The following SPOCK1 variants were observed in gnomAD, a reference collection of about 807,000 sequenced individuals.
SPOCK1 encodes SPARC (osteonectin), cwcv and kazal like domains proteoglycan 1.
A neutral mutation model predicts 55.3 loss-of-function variants in SPOCK1; 23 were observed. The observed-to-expected ratio is 0.42, with a 90% CI of 0.30 to 0.59. The LOEUF (loss-of-function observed/expected upper bound fraction) is 0.59, where lower values mean the gene tolerates loss of function less well. Among genes scored for constraint, SPOCK1 ranks in the 20% least tolerant of loss-of-function variants. SPOCK1 has a pLI of 0.22. For missense variants in SPOCK1, 499 were observed against 552.5 expected, an observed-to-expected ratio of 0.90 and a Z score of 0.97; for synonymous variants, 226 against 221.0, an observed-to-expected ratio of 1.02 and a Z score of -0.20.
intron 2 of SPOCK1, among the ~76,000 whole-genome samples, chr5:137,437,968 T>C (rs1752899309): frequency 6.6e-6 from 1 of 152,224 alleles, no homozygotes; most frequent in South Asian, 2.1e-4. Context: ...GTTTCTGTGA[T>C]TCTGACTACT....
chr5:137,096,367 T>C (rs1753147398), intron 5 of SPOCK1, among the ~76,000 whole-genome samples: 1 of 150,834 alleles, frequency 6.6e-6, no homozygotes, highest in South Asian at 2.1e-4. Context: ...ACTTGGGAGA[T>C]GGTACCATGC....
chr5:137,094,628 C>T (rs953388157), intron 5 of SPOCK1, among the ~76,000 whole-genome samples: 15 of 152,164 alleles, frequency 9.9e-5, no homozygotes, highest in African/African-American at 3.4e-4. Context: ...GACCTTTTTG[C>T]TGGTGGAGGG....
intron 3 of SPOCK1, among the ~76,000 whole-genome samples, chr5:137,177,363 CT>C (rs1754875003): frequency 6.6e-6 from 1 of 152,132 alleles, no homozygotes. Context: ...TCAAAGGAGT[CT>C]GGGGTTGGAG....
intron 2 of SPOCK1, among the ~76,000 whole-genome samples, chr5:137,471,289 A>G (rs1196486701): frequency 6.6e-6 from 1 of 152,176 alleles, no homozygotes; most frequent in Non-Finnish European, 1.5e-5. Context: ...CCAAATCATA[A>G]TACTCCTCAA....
chr5:137,037,829 G>A (rs1751913286), intron 6 of SPOCK1, among the ~76,000 whole-genome samples: 1 of 152,246 alleles, frequency 6.6e-6, no homozygotes. Context: ...TGAGCAGGGA[G>A]AGGTGACCCA....
chr5:136,999,590 T>G (rs938068647), intron 6 of SPOCK1, among the ~76,000 whole-genome samples: 1 of 152,088 alleles, frequency 6.6e-6, no homozygotes, highest in Non-Finnish European at 1.5e-5. Context: ...AAGGGCTGAA[T>G]GACAGTCTGA....
intron 3 of SPOCK1, among the ~76,000 whole-genome samples, chr5:137,247,259 C>A (rs182588622): frequency 1.4e-3 from 209 of 152,188 alleles, no homozygotes; most frequent in African/African-American, 4.9e-3. Context: ...GGCCCAGGGC[C>A]TGGCAAGCAG....
At chr5:137,277,248 C>A (rs1161867178) in intron 2 of SPOCK1, among the ~76,000 whole-genome samples, 1 of 152,174 alleles carries the variant, frequency 6.6e-6, no homozygotes, top group Non-Finnish European at 1.5e-5. Context: ...CTCCTAGCCT[C>A]ATGTGATCCT....
chr5:137,069,938 C>T (rs373636462), intron 5 of SPOCK1, among the ~76,000 whole-genome samples: 8 of 152,218 alleles, frequency 5.3e-5, no homozygotes, highest in Non-Finnish European at 1.2e-4. Flanking sequence ...GAGACTCCCC[C>T]TCTCCAACCC....
At chr5:137,007,177 C>T (rs1338305620) in intron 6 of SPOCK1, among the ~76,000 whole-genome samples, 2 of 152,100 alleles carry the variant, frequency 1.3e-5, no homozygotes, top group Non-Finnish European at 2.9e-5. Context: ...AGACCTAAAA[C>T]CATAAAAACC....
At chr5:137,051,739 T>C (rs1489484174) in intron 6 of SPOCK1, among the ~76,000 whole-genome samples, 2 of 152,098 alleles carry the variant, frequency 1.3e-5, no homozygotes, top group African/African-American at 4.8e-5. Flanking sequence ...AGGGAAATCA[T>C]AAAGGATATA....
chr5:137,453,363 T>C (rs1753296076), intron 2 of SPOCK1, among the ~76,000 whole-genome samples: 1 of 152,212 alleles, frequency 6.6e-6, no homozygotes, highest in Admixed American at 6.5e-5. Context: ...CTCTCTGTGA[T>C]ACTCTTGGGT....
At chr5:137,266,308 T>G (rs1046159939) in intron 3 of SPOCK1, among the ~76,000 whole-genome samples, 1 of 152,188 alleles carries the variant, frequency 6.6e-6, no homozygotes, top group African/African-American at 2.4e-5. Flanking sequence ...TGAAGTGCAA[T>G]CTACCATCAT....
chr5:137,266,633 T>C (rs1288007521), intron 3 of SPOCK1, among the ~76,000 whole-genome samples: 3 of 152,228 alleles, frequency 2.0e-5, no homozygotes, highest in Non-Finnish European at 4.4e-5. Flanking sequence ...GAAAGTTTCA[T>C]TGTTATGGCT....
chr5:137,477,671 T>TC, intron 2 of SPOCK1, among the ~76,000 whole-genome samples: 1 of 152,228 alleles, frequency 6.6e-6, no homozygotes, highest in South Asian at 2.1e-4. Context: ...CTGTGACGCT[T>TC]CCCCACTTAC....
intron 8 of SPOCK1, among the ~76,000 whole-genome samples, chr5:136,987,932 T>C (rs1001639273): frequency 2.6e-5 from 4 of 152,322 alleles, no homozygotes; most frequent in Admixed American, 1.3e-4. Context: ...ATTCCCCAAA[T>C]CTTGCCTCTT....
intron 2 of SPOCK1, among the ~76,000 whole-genome samples, chr5:137,379,231 A>G (rs894527220): frequency 8.0e-6 from 1 of 124,920 alleles, no homozygotes. Context: ...TTGGCCCTGC[A>G]TGGAACTAAT....
At position 136,977,769 on chromosome 5, in the gene SPOCK1, A is replaced by G. The variant is rs1488394378; in HGVS notation, c.*885T>C. The G allele has an allele frequency of 1.0e-5, 4 of 398,766 alleles. No homozygotes were observed. Among genetic ancestry groups the G allele is most frequent in the Non-Finnish European group, 1.8e-5 (4 of 226,042 alleles). The allele number at this position is 398,766 out of a possible 1,614,324, so 24.7% of individuals were successfully genotyped here. A position where few individuals can be genotyped will look rare whatever the true frequency, so the allele number is the denominator to read the frequency against. On this transcript the variant is annotated 3_prime_UTR_variant, in exon 11 of 11. Transcript: ENST00000394945. ...TTTTCTCAATCAGAGGCTTTCAGTA[A>G]CTCTGCTGATGCACAGAGAAGAGAC...
intron 2 of SPOCK1, among the ~76,000 whole-genome samples, chr5:137,323,004 T>C (rs1161189205): frequency 6.6e-6 from 1 of 152,148 alleles, no homozygotes; most frequent in Non-Finnish European, 1.5e-5. Context: ...CTCTCCCTTT[T>C]ATAACAAACC....
Sources: gnomAD v4.1 joint callset for allele counts (sites outside exome capture counted in the v4.1 genomes callset) on GRCh38, gnomAD v4.1.1 for gene constraint, MANE v1.5 for transcripts, NCBI Gene and HGNC (gene_info 2026-07-23, HGNC 2026-07-21) for gene names.